The following MYO15A variants were observed in gnomAD, a reference collection of about 807,000 sequenced individuals.
MYO15A encodes myosin XVA.
In MYO15A, 308 loss-of-function variants were observed where a neutral mutation model predicts 394.6. The observed-to-expected ratio is 0.78, with a 90% CI of 0.71 to 0.86. MYO15A has a LOEUF of 0.86. Ranked by LOEUF, MYO15A falls within the 40% of genes least tolerant of loss-of-function variation. The pLI is 0.00. For synonymous variants in MYO15A, 1,957 were observed against 2,003.8 expected, an observed-to-expected ratio of 0.98 and a Z score of 0.62; for missense variants, 4,606 against 4,799.1, an observed-to-expected ratio of 0.96 and a Z score of 1.19.
chr17:18,171,774 A>C lies in MYO15A; in HGVS notation c.10216+3A>C, dbSNP rs2046945315. The C allele has an allele frequency of 2.5e-6, 4 of 1,607,912 alleles. No individual in the cohort carries two copies. Among genetic ancestry groups the C allele is most frequent in the Non-Finnish European group, 3.4e-6 (4 of 1,179,734 alleles). ...CCAGGCCCGTGCCCAGTTTCTGGGT[A>C]AGAGCTGCAGGGCAGGGGAGGTGAT... On this transcript the variant is annotated splice_donor_region_variant and intron_variant, in intron 63 of 65. Coordinates refer to ENST00000647165, the MANE Select transcript of MYO15A (RefSeq NM_016239.4).
intron 57 of MYO15A, 146 bp from the exon 58 acceptor site, chr17:18,162,439 T>C: frequency 1.4e-6 from 1 of 738,820 alleles, no homozygotes. Flanking sequence ...GTCTGAACTG[T>C]TTCCTCAACT....
rs1016332945 is a variant in MYO15A at position 18,150,459 on chromosome 17, C to T, written c.7243C>T (p.Arg2415Cys). 7.4e-6 allele frequency: 12 copies of T among 1,613,986 alleles called. No individual in the cohort carries two copies. Among genetic ancestry groups the T allele is most frequent in the African/African-American group, 1.3e-5 (1 of 74,900 alleles). The change falls in exon 36 of 66, where the codon CGC becomes TGC. Residue 2415 changes from arginine (R) to cysteine (C), a missense_variant. Arg to Cys is a radical substitution (Grantham distance 180, BLOSUM62 -3). Around this residue, in one of 2 missense-constraint regions of MYO15A, gnomAD observed 2,776 missense variants for 3,109.3 expected, o/e 0.89. Coordinates refer to ENST00000647165, the MANE Select transcript of MYO15A (RefSeq NM_016239.4). This position sits in a 1 kb window ranked among gnomAD's most constrained non-coding sequence, Gnocchi z 4.4. ...GGAGAAGCCAACAGCCATTGCCTACCGCATGAAAGGGGGAGGCCAGCCCGG... is the reference window on the plus strand; with the variant it reads ...GGAGAAGCCAACAGCCATTGCCTACTGCATGAAAGGGGGAGGCCAGCCCGG... ...DLEKPTAIAY[R>C]MKGGGQPGGG... is the part of the protein sequence containing the mutation.
intron 7 of MYO15A, among the ~76,000 whole-genome samples, chr17:18,128,147 G>A (rs528663422): frequency 1.6e-4 from 25 of 152,198 alleles, no homozygotes; most frequent in African/African-American, 5.5e-4. Flanking sequence ...GTGAGAGGGA[G>A]AACTGTCGGA....
rs1474917972 is a variant in MYO15A at position 18,150,989 on chromosome 17, G to A, written c.7473+76G>A. ...AAAGAGGAATGCTGTGCTGCTCCAGGGCACTATTGTGCCTCTTTGAGCCCA... is the reference window on the plus strand; with the variant it reads ...AAAGAGGAATGCTGTGCTGCTCCAGAGCACTATTGTGCCTCTTTGAGCCCA... On this transcript the variant is annotated intron_variant, in intron 38 of 65. Transcript: ENST00000647165. The surrounding 1 kb of genome is among the most constrained non-coding windows in gnomAD (Gnocchi z 4.4). The A allele has an allele frequency of 6.2e-7, 1 of 1,607,208 alleles. No homozygotes were observed. Among genetic ancestry groups the A allele is most frequent in the Admixed American group, 1.7e-5 (1 of 59,992 alleles).
chr17:18,157,541 C>T, intron 50 of MYO15A, 181 bp from the exon 51 acceptor site: 5 of 1,295,362 alleles, frequency 3.9e-6, no homozygotes, highest in Non-Finnish European at 5.2e-6. Flanking sequence ...TCCTGTGGCC[C>T]TGAGAAAATC....
rs746552269 is a variant in MYO15A, at chr17:18,146,055, G to A, written c.6457G>A (p.Ala2153Thr). 1.4e-5 allele frequency: 23 copies of A among 1,613,724 alleles called. No homozygotes were observed. Among genetic ancestry groups the A allele is most frequent in the Admixed American group, 5.0e-5 (3 of 60,000 alleles). Residue 2153 changes from alanine to threonine, a missense_variant, in exon 30 of 66, where the codon GCC becomes ACC. Ala to Thr is a moderately conservative substitution (Grantham distance 58, BLOSUM62 0). Transcript: ENST00000647165. ...TGAGCGGGGCTGGCTGCTGCTGGCC[G>A]CCTGCCTCAGTGGCTTTGCACCTTC... The part of the protein sequence containing the change: ...NAERGWLLLA[A>T]CLSGFAPSPC...
intron 51 of MYO15A, 31 bp downstream of exon 51, chr17:18,157,931 G>GGGGGGGGGGGGGCC: frequency 2.4e-6 from 1 of 412,692 alleles, no homozygotes; most frequent in Non-Finnish European, 4.5e-6. Flanking sequence ...GTGGGGCGGG[G>GGGGGGGGGGGGGCC]TAGACCAGGG....
At chr17:18,155,990 C>T in intron 47 of MYO15A, 1 of 681,444 alleles carries the variant, frequency 1.5e-6, no homozygotes, top group Non-Finnish European at 2.5e-6. Flanking sequence ...GGAGTGTCAG[C>T]CCAAAGGGTG....
At chr17:18,139,180 GATAAA>G (rs2046333798) in intron 18 of MYO15A, 52 of 636,528 alleles carry the variant, frequency 8.2e-5, no homozygotes, top group Admixed American at 3.4e-4. Flanking sequence ...GGGTGGGTTT[GATAAA>G]GAGTAGCTCA....
At position 18,166,529 on chromosome 17, in the gene MYO15A, C is replaced by A. The variant is rs764469413; in HGVS notation, c.9948+8C>A. The A allele has an allele frequency of 6.2e-7, 1 of 1,611,838 alleles. No homozygotes were observed. The highest frequency in any genetic ancestry group is 1.3e-5 in the African/African-American group (1 of 74,926). ...ACCATGCACTACAACCAGGTCAGCA[C>A]ACGTAGGCTTCTCTGGACTCTGGGA... On this transcript the variant is annotated splice_region_variant and intron_variant, in intron 61 of 65. Transcript: ENST00000647165.
At chr17:18,114,054 G>A (rs990734363) in intron 1 of MYO15A, among the ~76,000 whole-genome samples, 2 of 152,128 alleles carry the variant, frequency 1.3e-5, no homozygotes, top group Non-Finnish European at 1.5e-5. Context: ...CCATAAGGAC[G>A]TGTAAGAGAG....
chr17:18,157,540 C>T (rs890229746), intron 50 of MYO15A, 182 bp from the exon 51 acceptor site: 2 of 1,275,982 alleles, frequency 1.6e-6, no homozygotes, highest in South Asian at 1.5e-5. Flanking sequence ...GTCCTGTGGC[C>T]CTGAGAAAAT....
rs376469502 is a variant in MYO15A, at chr17:18,136,684, G to A, written c.4777G>A (p.Glu1593Lys). The change falls in exon 15 of 66, where the codon GAG becomes AAG. Residue 1593 changes from glutamate to lysine, a missense_variant and splice_region_variant. This residue lies in a region of MYO15A where 2,776 missense variants were observed against 3,109.3 expected (regional missense o/e 0.89). Transcript: ENST00000647165. Reference sequence around the variant, plus strand: ...CGCCATCCTGGACATCTATGGTTTCGAGGTGGGGCCGTGTAGGAGGCTGAG... The same window carrying A: ...CGCCATCCTGGACATCTATGGTTTCAAGGTGGGGCCGTGTAGGAGGCTGAG... ...SIAILDIYGFEDLSFNSFEQL... is the reference protein window; with the variant it reads ...SIAILDIYGFKDLSFNSFEQL... The A allele has an allele frequency of 8.4e-5, 135 of 1,603,048 alleles. No homozygotes were observed. Among genetic ancestry groups the A allele is most frequent in the Non-Finnish European group, 1.0e-4 (119 of 1,176,642 alleles).
At chr17:18,158,739 T>A in intron 52 of MYO15A, 101 bp downstream of exon 52, 1 of 1,475,998 alleles carries the variant, frequency 6.8e-7, no homozygotes, top group Non-Finnish European at 9.5e-7. Flanking sequence ...CCACTTCTGG[T>A]GGGAGAGATG....
Position 18,142,102 on chromosome 17 carries a change from C to G in MYO15A, c.5673C>G (p.Tyr1891Ter), listed in dbSNP as rs2046392476. 6.2e-7 allele frequency: 1 copy of G among 1,613,430 alleles called. No homozygotes were observed. The highest frequency in any genetic ancestry group is 1.1e-5 in the South Asian group (1 of 91,092). The change falls in exon 24 of 66, where the codon TAC becomes TAG. Residue 1891 changes from tyrosine to a stop codon, truncating the protein, a stop_gained. Coordinates refer to ENST00000647165, the MANE Select transcript of MYO15A (RefSeq NM_016239.4). LOFTEE classifies it high-confidence loss of function. The stretch of plus-strand genomic sequence containing the variant: ...AGCTGTTCCTTAAGGAACACCTATA[C>G]CAGCTGCTGGAGAGTATGCGAGAGC... ...VSKLFLKEHL[Y>*]QLLESMREHV...
intron 1 of MYO15A, among the ~76,000 whole-genome samples, chr17:18,116,439 C>T (rs1281831147): frequency 1.3e-5 from 2 of 152,260 alleles, no homozygotes; most frequent in East Asian, 1.9e-4. Flanking sequence ...CAGGTGGCCT[C>T]GAGCAAGTCC....
chr17:18,160,577 C>T (rs1171559924), intron 56 of MYO15A, among the ~76,000 whole-genome samples: 6 of 152,200 alleles, frequency 3.9e-5, no homozygotes, highest in Non-Finnish European at 7.3e-5. Context: ...ATGCTCAACC[C>T]TGAACCAACT....
chr17:18,163,144 C>T (rs2046800471), intron 58 of MYO15A, 100 bp from the exon 59 acceptor site: 2 of 1,305,432 alleles, frequency 1.5e-6, no homozygotes, highest in Non-Finnish European at 2.2e-6. Flanking sequence ...CACGTGCCAG[C>T]CCAGGATCCT....
intron 1 of MYO15A, among the ~76,000 whole-genome samples, chr17:18,116,577 A>G (rs1044138203): frequency 3.9e-5 from 6 of 152,176 alleles, no homozygotes; most frequent in Admixed American, 3.9e-4. Context: ...CTCACTTTGG[A>G]AACTGGCTCC....
Sources: gnomAD v4.1 joint callset for allele counts (sites outside exome capture counted in the v4.1 genomes callset) on GRCh38, gnomAD v4.1.1 for gene constraint, gnomAD v4.1.1 regional missense constraint, Gnocchi (gnomAD v3.1) non-coding constraint, MANE v1.5 for transcripts, NCBI Gene and HGNC (gene_info 2026-07-23, HGNC 2026-07-21) for gene names.